Variants in FGF12 observed in about 807,000 individuals in gnomAD.
FGF12 encodes fibroblast growth factor 12B.
Under a neutral mutation model 23.6 loss-of-function variants are expected in FGF12, and 14 were observed. The ratio of observed to expected loss-of-function variants is 0.59; its 90% confidence interval spans 0.39 to 0.93. The LOEUF (loss-of-function observed/expected upper bound fraction) is 0.93, where lower values mean the gene tolerates loss of function less well. FGF12 is among the 40% of genes least tolerant of loss of function. FGF12 has a pLI of 0.00. For synonymous variants in FGF12, 62 were observed against 77.3 expected (o/e 0.80, Z 1.04); for missense variants, 175 against 217.8 (o/e 0.80, Z 1.24).
intron 3 of FGF12, among the ~76,000 whole-genome samples, chr3:192,344,455 A>T (rs1717855786): frequency 6.6e-6 from 1 of 152,204 alleles, no homozygotes; most frequent in African/African-American, 2.4e-5. Context: ...AAGAATGTAA[A>T]CATCAACATA....
At chr3:192,171,811 G>A (rs1463997138) in intron 4 of FGF12, among the ~76,000 whole-genome samples, 2 of 151,790 alleles carry the variant, frequency 1.3e-5, no homozygotes, top group African/African-American at 4.9e-5. Flanking sequence ...AATGAATATA[G>A]GTTGGTTGAA....
chr3:192,701,652 C>T (rs1459432534), intron 2 of FGF12, among the ~76,000 whole-genome samples: 2 of 152,052 alleles, frequency 1.3e-5, no homozygotes, highest in Admixed American at 6.5e-5. Flanking sequence ...TCTCAGAGAC[C>T]ATAATTATAG....
Position 192,360,545 on chromosome 3 carries a change from A to C in FGF12, c.14-7T>G, listed in dbSNP as rs1266920809. ...ATCCCTTTGAGCTGGGGTTCTGCAA[A>C]ACAAAATAATTATTCAAATTTTTAT... On this transcript the variant is annotated splice_polypyrimidine_tract_variant and splice_region_variant and intron_variant, in intron 2 of 5. Transcript: ENST00000445105. This position sits in a 1 kb window ranked among gnomAD's most constrained non-coding sequence, Gnocchi z 4.3. 6.2e-7 allele frequency: 1 copy of C among 1,601,756 alleles called. No homozygotes were observed. Among genetic ancestry groups the C allele is most frequent in the Non-Finnish European group, 8.6e-7 (1 of 1,168,810 alleles).
chr3:192,158,354 C>CTTTCTTTCTTTCTTTCTTTCTT (rs1560171308), intron 5 of FGF12, among the ~76,000 whole-genome samples: 12 of 111,784 alleles, frequency 1.1e-4, no homozygotes, highest in African/African-American at 4.4e-4. Context: ...TTCTTTCTTT[C>CTTTCTTTCTTTCTTTCTTTCTT]TTTCTTTCTT....
intron 2 of FGF12, among the ~76,000 whole-genome samples, chr3:192,659,435 G>A (rs1471955641): frequency 2.0e-5 from 3 of 152,156 alleles, no homozygotes; most frequent in African/African-American, 7.2e-5. Context: ...AAAAGTAGCA[G>A]AAACCATCAG....
At chr3:192,467,899 G>A (rs574279810) in intron 2 of FGF12, among the ~76,000 whole-genome samples, 2 of 152,220 alleles carry the variant, frequency 1.3e-5, no homozygotes, top group East Asian at 3.9e-4. Flanking sequence ...AGTCTTCAGC[G>A]GCAGGCACCG....
At chr3:192,690,586 CAAAAAAA>C (rs35837229) in intron 2 of FGF12, among the ~76,000 whole-genome samples, 3 of 92,118 alleles carry the variant, frequency 3.3e-5, no homozygotes, top group African/African-American at 8.1e-5. Context: ...CACAACACTA[CAAAAAAA>C]AAAAAAAAAA....
chr3:192,534,214 C>G (rs1725168149), intron 2 of FGF12: 1 of 152,142 alleles, frequency 6.6e-6, no homozygotes, highest in South Asian at 2.1e-4. Flanking sequence ...AGTATAGCTG[C>G]TAGCTTTCCA....
intron 4 of FGF12, among the ~76,000 whole-genome samples, chr3:192,207,913 C>T (rs917179330): frequency 2.6e-5 from 4 of 152,134 alleles, no homozygotes; most frequent in East Asian, 3.9e-4. Flanking sequence ...GTAAACCACA[C>T]TCACAAAGCT....
intron 2 of FGF12, among the ~76,000 whole-genome samples, chr3:192,576,650 T>A (rs1248223236): frequency 6.6e-6 from 1 of 152,066 alleles, no homozygotes; most frequent in Non-Finnish European, 1.5e-5. Context: ...CTTGATGGTA[T>A]GGAAAAAAAA....
intron 2 of FGF12, among the ~76,000 whole-genome samples, chr3:192,668,843 C>G (rs1716996836): frequency 6.6e-6 from 1 of 151,858 alleles, no homozygotes; most frequent in Admixed American, 6.6e-5. Context: ...TCCATATCCA[C>G]GAAATAGAGA....
chr3:192,709,749 T>C (rs1718602385), intron 2 of FGF12, among the ~76,000 whole-genome samples: 1 of 152,156 alleles, frequency 6.6e-6, no homozygotes, highest in Non-Finnish European at 1.5e-5. Context: ...TAAGACACAT[T>C]TCCAATCATG....
chr3:192,571,012 C>T (rs546765395), intron 2 of FGF12, among the ~76,000 whole-genome samples: 4 of 152,242 alleles, frequency 2.6e-5, no homozygotes, highest in African/African-American at 9.6e-5. Flanking sequence ...TTCCATTAAC[C>T]TTCTGATTCT....
At chr3:192,685,347 G>T (rs1717693559) in intron 2 of FGF12, among the ~76,000 whole-genome samples, 1 of 152,138 alleles carries the variant, frequency 6.6e-6, no homozygotes, top group Admixed American at 6.6e-5. Flanking sequence ...CACTGTGCCT[G>T]GCCTACAAAG....
intron 2 of FGF12, among the ~76,000 whole-genome samples, chr3:192,616,796 G>C (rs1419217506): frequency 1.3e-5 from 2 of 151,528 alleles, no homozygotes; most frequent in Non-Finnish European, 2.9e-5. Context: ...GCTATCTCCT[G>C]CTTGTGATCA....
chr3:192,286,297 CA>C (rs1256245532), intron 4 of FGF12, among the ~76,000 whole-genome samples: 1 of 151,956 alleles, frequency 6.6e-6, no homozygotes, highest in Non-Finnish European at 1.5e-5. Flanking sequence ...AGGTCCTTAC[CA>C]AATCAGAAAA....
chr3:192,233,817 T>C (rs534605113), intron 4 of FGF12, among the ~76,000 whole-genome samples: 31 of 152,250 alleles, frequency 2.0e-4, no homozygotes, highest in African/African-American at 7.2e-4. Context: ...TTCCCATTGA[T>C]TGTTAATGGG....
At chr3:192,706,797 C>G (rs1229537805) in intron 2 of FGF12, among the ~76,000 whole-genome samples, 1 of 152,172 alleles carries the variant, frequency 6.6e-6, no homozygotes, top group Non-Finnish European at 1.5e-5. Context: ...CATAAATCCA[C>G]AGCAATTTTT....
At chr3:192,440,617 C>T (rs1722175658) in intron 2 of FGF12, among the ~76,000 whole-genome samples, 1 of 152,176 alleles carries the variant, frequency 6.6e-6, no homozygotes, top group Non-Finnish European at 1.5e-5. Flanking sequence ...TTTTTCCTAG[C>T]TACAAGGATA....
Sources: allele counts gnomAD v4.1 joint callset (sites outside exome capture counted in the v4.1 genomes callset), GRCh38; gene constraint gnomAD v4.1.1; non-coding constraint Gnocchi (gnomAD v3.1); transcripts MANE v1.5; gene names NCBI Gene and HGNC (gene_info 2026-07-23, HGNC 2026-07-21).